Variants in PCDH11X observed in about 807,000 individuals in gnomAD.
The protein encoded by PCDH11X is protocadherin 11 X-linked.
In PCDH11X, 18 loss-of-function variants were observed where a neutral mutation model predicts 53.3. The observed-to-expected ratio is 0.34, with a 90% CI of 0.23 to 0.50. PCDH11X has a LOEUF of 0.50. PCDH11X is among the 20% of genes least tolerant of loss of function. The pLI, the probability that PCDH11X is intolerant of heterozygous loss-of-function variation, is 0.98. For synonymous variants in PCDH11X, 279 were observed against 393.3 expected (o/e 0.71, Z 3.44); for missense variants, 570 against 1,032.4 (o/e 0.55, Z 6.14).
chrX:92,453,558 CTATT>C (rs201578563), intron 9 of PCDH11X, among the ~76,000 whole-genome samples: 3,004 of 110,849 alleles, frequency 0.027, 62 homozygotes, highest in African/African-American at 0.076. Flanking sequence ...TCCTCTCCAA[CTATT>C]TAGTTAACAG....
At chrX:92,282,101 A>G (rs1193708755) in intron 8 of PCDH11X, among the ~76,000 whole-genome samples, 1 of 111,067 alleles carries the variant, frequency 9.0e-6, no homozygotes, top group African/African-American at 3.3e-5. Context: ...GGAAAAGCAA[A>G]AGAGTGAAAA....
chrX:91,891,666 AC>A (rs1423363460), intron 6 of PCDH11X, among the ~76,000 whole-genome samples: 1 of 106,774 alleles, frequency 9.4e-6, no homozygotes, highest in Non-Finnish European at 1.9e-5. Flanking sequence ...AATGGAGTTT[AC>A]CATGAGTTCA....
At chrX:91,910,627 G>T (rs1253277819) in intron 6 of PCDH11X, among the ~76,000 whole-genome samples, 1 of 110,036 alleles carries the variant, frequency 9.1e-6, no homozygotes, top group Non-Finnish European at 1.9e-5. Flanking sequence ...TCTAATGTGG[G>T]CATGTTCAAA....
At chrX:92,034,260 G>C in intron 6 of PCDH11X, among the ~76,000 whole-genome samples, 1 of 111,356 alleles carries the variant, frequency 9.0e-6, no homozygotes, top group Non-Finnish European at 1.9e-5. Flanking sequence ...TATCTATTAG[G>C]TCCATTTGCT....
Position 91,811,285 on chromosome X carries a change from G to A in PCDH11X, c.-55G>A. Reference sequence around the variant, plus strand: ...CTGAACGACAGTGGGTTTTAATTCAGATATTTCAAGGTGAGTTTCATATAT... The same window carrying A: ...CTGAACGACAGTGGGTTTTAATTCAAATATTTCAAGGTGAGTTTCATATAT... On this transcript the variant is annotated 5_prime_UTR_variant, in exon 4 of 11. Coordinates refer to ENST00000682573, the MANE Select transcript of PCDH11X (RefSeq NM_032968.5). 1 of 1,204,703 alleles carries A rather than the reference G, an allele frequency of 8.3e-7. No homozygotes were observed. The highest frequency in any genetic ancestry group is 1.1e-6 in the Non-Finnish European group (1 of 889,942).
chrX:92,004,723 G>T (rs1212654627), intron 6 of PCDH11X, among the ~76,000 whole-genome samples: 1 of 95,656 alleles, frequency 1.0e-5, no homozygotes, highest in Non-Finnish European at 2.1e-5. Flanking sequence ...GGTTTCCATT[G>T]TCCTGAAATA....
intron 10 of PCDH11X, among the ~76,000 whole-genome samples, chrX:92,608,048 C>T (rs1169369223): frequency 9.1e-6 from 1 of 110,453 alleles, no homozygotes; most frequent in Admixed American, 9.7e-5. Context: ...TATTTTACAT[C>T]CTATTCTTTG....
chrX:92,515,046 C>CAAA (rs1262977280), intron 10 of PCDH11X, among the ~76,000 whole-genome samples: 4 of 50,600 alleles, frequency 7.9e-5, no homozygotes, highest in East Asian at 7.4e-4. Flanking sequence ...GATTCCACCT[C>CAAA]AAAAAAAAAA....
At chrX:92,208,881 A>G (rs1300721959) in intron 7 of PCDH11X, among the ~76,000 whole-genome samples, 1 of 110,631 alleles carries the variant, frequency 9.0e-6, no homozygotes, top group East Asian at 2.9e-4. Flanking sequence ...AGAAACTTAC[A>G]ATCATGGCAG....
chrX:92,209,824 T>A (rs1278270504), intron 7 of PCDH11X, among the ~76,000 whole-genome samples: 1 of 112,363 alleles, frequency 8.9e-6, no homozygotes, highest in Admixed American at 9.5e-5. Flanking sequence ...TTGAGGTTTT[T>A]CCATACATCC....
Position 92,118,731 on chromosome X carries a change from C to CTTT in PCDH11X, c.3034-82618_3034-82616dup, listed in dbSNP as rs199880924. 4.6e-3 allele frequency among the ~76,000 whole-genome samples: 212 copies of CTTT among 45,634 alleles called. 50 individuals are homozygous for CTTT. The highest frequency in any genetic ancestry group is 0.01 in the African/African-American group (104 of 10,333). 39.6% of individuals were successfully genotyped at this position (45,634 alleles called of 115,157 possible). On this transcript the variant is annotated intron_variant, in intron 6 of 10. Coordinates refer to ENST00000682573, the MANE Select transcript of PCDH11X (RefSeq NM_032968.5). ...ATTATTGGTTTGGTTATAATGCAGT[C>CTTT]TTTTTTTTTTTTTTTTTTTTTTTTT...
At chrX:92,111,604 G>C (rs6618861) in intron 6 of PCDH11X, among the ~76,000 whole-genome samples, 6,415 of 110,278 alleles carry the variant, frequency 0.058, 476 homozygotes, top group African/African-American at 0.2. Context: ...ACATTACTAA[G>C]TTGAAAGAGC....
chrX:92,251,085 C>T (rs958280706), intron 7 of PCDH11X, among the ~76,000 whole-genome samples: 2 of 110,628 alleles, frequency 1.8e-5, no homozygotes, highest in African/African-American at 6.6e-5. Context: ...ATGGCAGTTA[C>T]TGTTTGAGTT....
intron 6 of PCDH11X, among the ~76,000 whole-genome samples, chrX:91,890,504 A>G (rs183863836): frequency 9.1e-6 from 1 of 110,193 alleles, no homozygotes; most frequent in African/African-American, 3.3e-5. Flanking sequence ...AAGTACATAT[A>G]AAAAATTAAA....
chrX:92,519,167 C>A (rs1425397843), intron 10 of PCDH11X, among the ~76,000 whole-genome samples: 2 of 110,205 alleles, frequency 1.8e-5, no homozygotes, highest in Non-Finnish European at 3.8e-5. Context: ...ATTACACACG[C>A]CTAGTGCTTA....
intron 7 of PCDH11X, among the ~76,000 whole-genome samples, chrX:92,246,872 A>C (rs1010717563): frequency 3.6e-5 from 4 of 112,019 alleles, no homozygotes; most frequent in Non-Finnish European, 7.5e-5. Context: ...AGAAGAAAGA[A>C]AGGAGGAATG....
At chrX:92,399,424 A>G (rs989802300) in intron 9 of PCDH11X, among the ~76,000 whole-genome samples, 1 of 110,667 alleles carries the variant, frequency 9.0e-6, no homozygotes, top group Non-Finnish European at 1.9e-5. Flanking sequence ...TGACCCAGGT[A>G]AAGATGAAGG....
At chrX:92,326,793 A>G (rs1456529160) in intron 8 of PCDH11X, among the ~76,000 whole-genome samples, 1 of 101,003 alleles carries the variant, frequency 9.9e-6, no homozygotes, top group Non-Finnish European at 2.0e-5. Context: ...TACTTTTGCC[A>G]TATTTAATGA....
intron 6 of PCDH11X, among the ~76,000 whole-genome samples, chrX:91,984,786 G>T (rs752101179): frequency 9.0e-6 from 1 of 111,603 alleles, no homozygotes; most frequent in Non-Finnish European, 1.9e-5. Context: ...TAGTTCCTTG[G>T]AATCTCACTG....
Sources: gnomAD v4.1 joint callset for allele counts (sites outside exome capture counted in the v4.1 genomes callset) on GRCh38, gnomAD v4.1.1 for gene constraint, MANE v1.5 for transcripts, NCBI Gene and HGNC (gene_info 2026-07-23, HGNC 2026-07-21) for gene names.